The following RBFOX1 variants were observed in gnomAD, a reference collection of about 807,000 sequenced individuals.
RBFOX1 encodes the protein RNA binding fox-1 homolog 1.
RBFOX1 carries 8 observed loss-of-function variants against 57.7 expected under a neutral mutation model. That is an observed-to-expected ratio of 0.14 (90% CI 0.08 to 0.25). RBFOX1 has a LOEUF of 0.25. RBFOX1 is among the 10% of genes least tolerant of loss of function. The pLI is 1.00. For synonymous variants in RBFOX1, 326 were observed against 222.4 expected, an observed-to-expected ratio of 1.47 and a Z score of -4.15; for missense variants, 611 against 548.5, an observed-to-expected ratio of 1.11 and a Z score of -1.14.
At chr16:5,835,365 G>A (rs549397708) in intron 3 of RBFOX1, among the ~76,000 whole-genome samples, 20 of 152,330 alleles carry the variant, frequency 1.3e-4, no homozygotes, top group African/African-American at 3.8e-4. Context: ...AAGCCACTGC[G>A]ATCTGCTTTG....
chr16:7,150,173 G>A (rs528960675), intron 4 of RBFOX1, among the ~76,000 whole-genome samples: 2 of 152,132 alleles, frequency 1.3e-5, no homozygotes, highest in Non-Finnish European at 2.9e-5. Context: ...CCTTCTGCTA[G>A]AACATGCACA....
chr16:7,517,951 G>C (rs2076730463), intron 4 of RBFOX1, among the ~76,000 whole-genome samples, 196 bp from the exon 5 acceptor site: 1 of 152,062 alleles, frequency 6.6e-6, no homozygotes, highest in Non-Finnish European at 1.5e-5. Flanking sequence ...CTGTAAAATG[G>C]GGAGAAGTGA....
intron 4 of RBFOX1, among the ~76,000 whole-genome samples, chr16:7,161,385 T>G (rs557323304): frequency 2.0e-5 from 3 of 152,232 alleles, no homozygotes; most frequent in Non-Finnish European, 4.4e-5. Context: ...ATCATATATT[T>G]GCTAAATACA....
chr16:7,342,899 G>A (rs780955328), intron 4 of RBFOX1, among the ~76,000 whole-genome samples: 13 of 152,176 alleles, frequency 8.5e-5, no homozygotes, highest in Non-Finnish European at 1.8e-4. Flanking sequence ...ATTCTCAGTA[G>A]AGTCGGAAGT....
chr16:6,166,657 TAAGG>T (rs2096919786), intron 1 of RBFOX1, among the ~76,000 whole-genome samples: 2 of 152,184 alleles, frequency 1.3e-5, no homozygotes, highest in African/African-American at 4.8e-5. Flanking sequence ...GGTCCCTGAA[TAAGG>T]ACAGCATCTC....
chr16:7,082,961 C>G (rs1310025659), intron 4 of RBFOX1, among the ~76,000 whole-genome samples: 2 of 151,812 alleles, frequency 1.3e-5, no homozygotes, highest in African/African-American at 4.8e-5. Context: ...CTGGACCTAC[C>G]AGCCTGCTTG....
At chr16:6,613,890 A>G (rs1373009456) in intron 2 of RBFOX1, among the ~76,000 whole-genome samples, 1 of 152,164 alleles carries the variant, frequency 6.6e-6, no homozygotes, top group African/African-American at 2.4e-5. Context: ...GTGAGCTGAG[A>G]TTGTGCCACT....
At chr16:5,407,243 A>G (rs2066892107) in intron 1 of RBFOX1, among the ~76,000 whole-genome samples, 1 of 152,184 alleles carries the variant, frequency 6.6e-6, no homozygotes. Context: ...AAACTGCTCC[A>G]TGATCCAGTC....
At chr16:7,710,097 G>C (rs1055225524) in intron 15 of RBFOX1, 4 of 1,004,220 alleles carry the variant, frequency 4.0e-6, no homozygotes, top group East Asian at 2.2e-4. Context: ...TTTTGCACAA[G>C]CTTAATTACA....
chr16:5,575,986 C>CT (rs77867298), intron 2 of RBFOX1, among the ~76,000 whole-genome samples: 1,498 of 148,290 alleles, frequency 0.01, 28 homozygotes, highest in African/African-American at 0.036. Flanking sequence ...AAATTTTCAT[C>CT]TTTTTTTTTT....
At chr16:6,453,530 C>T (rs2094686844) in intron 2 of RBFOX1, among the ~76,000 whole-genome samples, 2 of 152,020 alleles carry the variant, frequency 1.3e-5, no homozygotes, top group Admixed American at 6.6e-5. Context: ...GAAATTGAGG[C>T]AGTAATTAAT....
intron 3 of RBFOX1, among the ~76,000 whole-genome samples, chr16:6,835,734 A>T (rs969349639): frequency 3.9e-5 from 5 of 126,730 alleles, no homozygotes; most frequent in African/African-American, 6.1e-5. Flanking sequence ...AGCCTGGGTG[A>T]TAGAGTAAGA....
chr16:7,219,761 A>G (rs1199906994), intron 4 of RBFOX1, among the ~76,000 whole-genome samples: 1 of 152,220 alleles, frequency 6.6e-6, no homozygotes, highest in African/African-American at 2.4e-5. Context: ...TTCCTTTTAG[A>G]AAAGCCAGAC....
At chr16:6,032,652 C>T (rs2095307119) in intron 1 of RBFOX1, among the ~76,000 whole-genome samples, 1 of 151,994 alleles carries the variant, frequency 6.6e-6, no homozygotes, top group Non-Finnish European at 1.5e-5. Flanking sequence ...GTCAGTGTGC[C>T]CTTGCCATTT....
intron 1 of RBFOX1, among the ~76,000 whole-genome samples, chr16:5,280,755 A>G (rs1240391300): frequency 1.4e-5 from 2 of 148,100 alleles, no homozygotes; most frequent in Non-Finnish European, 3.0e-5. Flanking sequence ...GATCCTTTTT[A>G]TTTCTTTGGT....
intron 2 of RBFOX1, among the ~76,000 whole-genome samples, chr16:6,352,565 A>G (rs1480264312): frequency 2.6e-5 from 4 of 152,188 alleles, no homozygotes; most frequent in African/African-American, 9.7e-5. Flanking sequence ...GTGAGTGGAG[A>G]TAGCAAAACA....
At chr16:7,381,591 C>G (rs1015823950) in intron 4 of RBFOX1, among the ~76,000 whole-genome samples, 1 of 151,774 alleles carries the variant, frequency 6.6e-6, no homozygotes, top group African/African-American at 2.4e-5. Context: ...GCATTGGTGC[C>G]TGTTCTTTTT....
intron 2 of RBFOX1, among the ~76,000 whole-genome samples, chr16:6,644,758 C>T (rs80141726): frequency 0.045 from 6,878 of 152,244 alleles, 178 homozygotes; most frequent in Non-Finnish European, 0.049. Flanking sequence ...TGGAGCACAG[C>T]AGCCTGTGAT....
intron 1 of RBFOX1, among the ~76,000 whole-genome samples, chr16:5,433,445 A>G (rs992244457): frequency 6.6e-6 from 1 of 152,172 alleles, no homozygotes; most frequent in African/African-American, 2.4e-5. Flanking sequence ...TTGAGTGGCA[A>G]GATTCCAACC....
Sources: allele counts gnomAD v4.1 joint callset (sites outside exome capture counted in the v4.1 genomes callset), GRCh38; gene constraint gnomAD v4.1.1; transcripts MANE v1.5; gene names NCBI Gene and HGNC (gene_info 2026-07-23, HGNC 2026-07-21).